TRIQK: variants seen among roughly 807,000 people sequenced by gnomAD.
TRIQK encodes triple QxxK/R motif-containing protein.
TRIQK carries 10 observed loss-of-function variants against 10.8 expected under a neutral mutation model. The ratio of observed to expected loss-of-function variants is 0.92; its 90% CI spans 0.57 to 1.57. TRIQK has a LOEUF of 1.57. Ranked by LOEUF, TRIQK falls within the 40% of genes most tolerant of loss-of-function variation. The probability of loss-of-function intolerance (pLI) is 0.00; values close to 1 mark genes in which losing one functional copy is unlikely to be tolerated. For synonymous variants in TRIQK, 33 were observed against 33.7 expected (o/e 0.98, Z 0.07); for missense variants, 107 against 97.7 (o/e 1.09, Z -0.40).
At chr8:92,899,241 C>G (rs1808792279) in intron 3 of TRIQK, among the ~76,000 whole-genome samples, 1 of 151,920 alleles carries the variant, frequency 6.6e-6, no homozygotes, top group Non-Finnish European at 1.5e-5. Context: ...CTTAGCCTCC[C>G]AAATCACACC....
At chr8:92,895,947 G>A (rs780781371) in intron 3 of TRIQK, among the ~76,000 whole-genome samples, 1 of 152,124 alleles carries the variant, frequency 6.6e-6, no homozygotes, top group Non-Finnish European at 1.5e-5. Flanking sequence ...GCTGAGGAGA[G>A]AATACTAAAG....
chr8:92,913,108 A>G (rs1339014770), intron 3 of TRIQK, among the ~76,000 whole-genome samples: 2 of 152,188 alleles, frequency 1.3e-5, no homozygotes, highest in Non-Finnish European at 2.9e-5. Context: ...ATCATATACA[A>G]TGACCAAGTG....
Position 92,920,891 on chromosome 8 carries a change from T to TA in TRIQK, c.-21-3882dup, listed in dbSNP as rs879868905. Among the ~76,000 whole-genome samples the TA allele has an allele frequency of 1.3e-3, 199 of 151,802 alleles. 5 individuals are homozygous for TA. The highest frequency in any genetic ancestry group is 0.013 in the Admixed American group (195 of 15,226). On this transcript the variant is annotated intron_variant, in intron 2 of 4. Coordinates refer to ENST00000521988, the MANE Select transcript of TRIQK (RefSeq NM_001171797.2). The stretch of plus-strand genomic sequence containing the variant: ...CAGTACCCAAGGAAGGCAAACTCTA[T>TA]AGAGTTTATAACATCCACTTCACAC...
intron 4 of TRIQK, among the ~76,000 whole-genome samples, chr8:92,890,701 G>A (rs1816718566): frequency 6.6e-6 from 1 of 151,752 alleles, no homozygotes; most frequent in Non-Finnish European, 1.5e-5. Flanking sequence ...AGAGGATTTT[G>A]TTACCCCATA....
chr8:93,002,758 A>G (rs1485064152), intron 1 of TRIQK, among the ~76,000 whole-genome samples: 5 of 152,034 alleles, frequency 3.3e-5, no homozygotes, highest in Non-Finnish European at 5.9e-5. Flanking sequence ...CATCTCTACT[A>G]AAAATAAAAA....
At chr8:92,900,785 T>C (rs566675295) in intron 3 of TRIQK, among the ~76,000 whole-genome samples, 10 of 152,238 alleles carry the variant, frequency 6.6e-5, no homozygotes, top group African/African-American at 2.4e-4. Context: ...AGAATTTCAT[T>C]GGTATTTTGA....
chr8:92,921,116 T>C (rs1200068541), intron 2 of TRIQK, among the ~76,000 whole-genome samples: 1 of 151,696 alleles, frequency 6.6e-6, no homozygotes, highest in Non-Finnish European at 1.5e-5. Flanking sequence ...ATTGCAGGTA[T>C]AAAGCAGTTA....
chr8:92,987,969 G>A (rs1363618779), intron 1 of TRIQK, among the ~76,000 whole-genome samples: 1 of 141,874 alleles, frequency 7.0e-6, no homozygotes. Flanking sequence ...CATAATCGTC[G>A]TTTTTAGTTT....
At position 92,891,989 on chromosome 8, in the gene TRIQK, C is replaced by A; in HGVS notation, c.147G>T (p.Lys49Asn). The change falls in exon 4 of 5, where the codon AAG becomes AAT. Residue 49 changes from lysine (K) to asparagine (N), a missense_variant and splice_region_variant. Physicochemically the swap from Lys to Asn is moderately conservative, Grantham distance 94 (BLOSUM62 0). Coordinates refer to ENST00000521988, the MANE Select transcript of TRIQK (RefSeq NM_001171797.2). ...AEAKKTAIGI[K>N]EVGLVLAAIL... is the part of the protein sequence containing the mutation. ...TTAAAGTTATCAAATAGAGGTTTAC[C>A]TTTATGCCTATTGCTGTTTTCTTTG... is the stretch of plus-strand genomic sequence containing the variant. 2 of 1,531,424 alleles carry A rather than the reference C, an allele frequency of 1.3e-6. No homozygotes were observed. The highest frequency in any genetic ancestry group is 1.2e-5 in the South Asian group (1 of 83,548). 94.9% of individuals were successfully genotyped at this position (1,531,424 alleles called of 1,614,324 possible).
At chr8:92,999,301 T>C (rs117282987) in intron 1 of TRIQK, among the ~76,000 whole-genome samples, 5 of 152,174 alleles carry the variant, frequency 3.3e-5, no homozygotes, top group African/African-American at 1.2e-4. Context: ...CTTTTGTTTT[T>C]AATATTTTTA....
intron 2 of TRIQK, among the ~76,000 whole-genome samples, chr8:92,952,435 A>T (rs1811956726): frequency 6.6e-6 from 1 of 152,022 alleles, no homozygotes; most frequent in Non-Finnish European, 1.5e-5. Flanking sequence ...ACACACACAC[A>T]CACACACAGA....
chr8:92,958,935 T>C (rs1812309365), intron 1 of TRIQK, among the ~76,000 whole-genome samples: 1 of 152,122 alleles, frequency 6.6e-6, no homozygotes, highest in Non-Finnish European at 1.5e-5. Context: ...TGTATTGTAC[T>C]GTAAAAGCAG....
At chr8:92,997,979 T>C (rs1358461138) in intron 1 of TRIQK, among the ~76,000 whole-genome samples, 1 of 152,030 alleles carries the variant, frequency 6.6e-6, no homozygotes, top group African/African-American at 2.4e-5. Flanking sequence ...CTCATTAAAC[T>C]AAATTTATTA....
At chr8:92,958,580 GAGA>G (rs1466129887) in intron 1 of TRIQK, among the ~76,000 whole-genome samples, 1 of 151,934 alleles carries the variant, frequency 6.6e-6, no homozygotes, top group Admixed American at 6.6e-5. Context: ...AGATGGAAAA[GAGA>G]AGATGTGGAT....
chr8:92,950,761 A>C lies in TRIQK; in HGVS notation c.-22+3645T>G, dbSNP rs550768200. Among the ~76,000 whole-genome samples, 243 of 152,248 alleles carry C rather than the reference A, an allele frequency of 1.6e-3. 2 individuals carry two copies. Among genetic ancestry groups the C allele is most frequent in the African/African-American group, 5.5e-3 (229 of 41,562 alleles). ...AACACATAATAGCAAACAAGAAATA[A>C]AATTTTAGAAAAGCCCTTATAGTAC... is the stretch of plus-strand genomic sequence containing the variant. On this transcript the variant is annotated intron_variant, in intron 2 of 4. Coordinates refer to ENST00000521988, the MANE Select transcript of TRIQK (RefSeq NM_001171797.2).
At chr8:92,969,226 T>C (rs1812849533), upstream of TRIQK, among the ~76,000 whole-genome samples, 2 of 152,162 alleles carry the variant, frequency 1.3e-5, no homozygotes, top group South Asian at 4.1e-4. Context: ...TCAGGTAACA[T>C]GATGCCCCTC....
intron 1 of TRIQK, among the ~76,000 whole-genome samples, chr8:92,982,528 A>T (rs1812996162): frequency 6.6e-6 from 1 of 152,002 alleles, no homozygotes; most frequent in African/African-American, 2.4e-5. Context: ...GTGGTAGGGA[A>T]TGTCCAGGAT....
intron 2 of TRIQK, among the ~76,000 whole-genome samples, chr8:92,926,748 A>G (rs1384964325): frequency 6.6e-6 from 1 of 152,218 alleles, no homozygotes; most frequent in East Asian, 1.9e-4. Context: ...AAGTAGAGGG[A>G]TATCTATGCA....
At chr8:92,923,007 A>ATT (rs1810264334) in intron 2 of TRIQK, among the ~76,000 whole-genome samples, 1 of 151,838 alleles carries the variant, frequency 6.6e-6, no homozygotes, top group African/African-American at 2.4e-5. Context: ...TCTTACATAA[A>ATT]TTACTTACAT....
Sources: allele counts gnomAD v4.1 joint callset (sites outside exome capture counted in the v4.1 genomes callset), GRCh38; gene constraint gnomAD v4.1.1; transcripts MANE v1.5; gene names NCBI Gene and HGNC (gene_info 2026-07-23, HGNC 2026-07-21).